GRIK1: variants seen among roughly 807,000 people sequenced by gnomAD.
GRIK1 encodes the protein glutamate ionotropic receptor kainate type subunit 1, also known as glutamate receptor ionotropic, kainate 1.
GRIK1 carries 69 observed loss-of-function variants against 105.7 expected under a neutral mutation model. The ratio of observed to expected loss-of-function variants is 0.65; its 90% CI spans 0.54 to 0.80. GRIK1 has a LOEUF of 0.80. Among genes scored for constraint, GRIK1 ranks in the 30% least tolerant of loss-of-function variants. The pLI, the probability that GRIK1 is intolerant of heterozygous loss-of-function variation, is 0.00. For missense variants in GRIK1, 1,109 were observed against 1,167.3 expected (o/e 0.95, Z 0.73); for synonymous variants, 438 against 431.3 (o/e 1.02, Z -0.19).
At chr21:29,893,810 C>T (rs1410542894) in intron 1 of GRIK1, among the ~76,000 whole-genome samples, 1 of 152,058 alleles carries the variant, frequency 6.6e-6, no homozygotes, top group East Asian at 1.9e-4. Flanking sequence ...TGGAGGTTGC[C>T]CCATCTCTCC....
chr21:29,711,909 A>G (rs2146817847), intron 1 of GRIK1, among the ~76,000 whole-genome samples: 1 of 147,806 alleles, frequency 6.8e-6, no homozygotes, highest in Non-Finnish European at 1.5e-5. Flanking sequence ...AAAACTTGTG[A>G]AATTTTTCTT....
intron 1 of GRIK1, among the ~76,000 whole-genome samples, chr21:29,938,368 C>T (rs1163933275): frequency 6.6e-6 from 1 of 152,212 alleles, no homozygotes; most frequent in East Asian, 1.9e-4. Flanking sequence ...GTGACCGTGA[C>T]TCTAAGAAGC....
At chr21:29,714,663 C>A (rs555247999) in intron 1 of GRIK1, among the ~76,000 whole-genome samples, 1 of 152,138 alleles carries the variant, frequency 6.6e-6, no homozygotes, top group Non-Finnish European at 1.5e-5. Flanking sequence ...TTCTAAGATG[C>A]AAATCAGAGA....
At chr21:29,888,208 T>TTTCTTTCTTTCTTTCTTC (rs2069740302) in intron 1 of GRIK1, among the ~76,000 whole-genome samples, 1 of 111,656 alleles carries the variant, frequency 9.0e-6, no homozygotes, top group African/African-American at 3.3e-5. Flanking sequence ...TCTCTCTCTC[T>TTTCTTTCTTTCTTTCTTC]CTCTCTCTCT....
intron 1 of GRIK1, among the ~76,000 whole-genome samples, chr21:29,850,434 C>A (rs2068268232): frequency 6.6e-6 from 1 of 152,068 alleles, no homozygotes; most frequent in South Asian, 2.1e-4. Flanking sequence ...CTGCTATCGC[C>A]CTAATGTTCT....
chr21:29,837,092 C>T (rs2067828855), intron 1 of GRIK1, among the ~76,000 whole-genome samples: 1 of 152,202 alleles, frequency 6.6e-6, no homozygotes, highest in Admixed American at 6.5e-5. Flanking sequence ...ACCCTTTTCA[C>T]ATGCTTTTCT....
intron 7 of GRIK1, among the ~76,000 whole-genome samples, chr21:29,612,786 T>A (rs1441063509): frequency 6.6e-6 from 1 of 152,212 alleles, no homozygotes; most frequent in African/African-American, 2.4e-5. Context: ...TTTACAATTT[T>A]AAAAATACCG....
chr21:29,770,235 A>C (rs993324745), intron 1 of GRIK1, among the ~76,000 whole-genome samples: 1 of 152,190 alleles, frequency 6.6e-6, no homozygotes, highest in Non-Finnish European at 1.5e-5. Flanking sequence ...TTGGAAACAG[A>C]TTGTGTCACC....
At chr21:29,712,083 T>TATACACAC (rs1232277994) in intron 1 of GRIK1, among the ~76,000 whole-genome samples, 1,695 of 135,342 alleles carry the variant, frequency 0.013, 53 homozygotes, top group African/African-American at 0.043. Context: ...TATACATACA[T>TATACACAC]ACACACACAC....
At chr21:29,707,931 T>A (rs1421528904) in intron 1 of GRIK1, among the ~76,000 whole-genome samples, 1 of 152,208 alleles carries the variant, frequency 6.6e-6, no homozygotes, top group Non-Finnish European at 1.5e-5. Flanking sequence ...TTGTTGTCAG[T>A]TCTTCACTGT....
intron 1 of GRIK1, among the ~76,000 whole-genome samples, chr21:29,896,504 C>T (rs1741792295): frequency 6.6e-6 from 1 of 152,038 alleles, no homozygotes; most frequent in South Asian, 2.1e-4. Context: ...TAGGACAATG[C>T]CCAGAATATA....
At chr21:29,855,829 G>A (rs1306175405) in intron 1 of GRIK1, among the ~76,000 whole-genome samples, 4 of 152,128 alleles carry the variant, frequency 2.6e-5, no homozygotes, top group African/African-American at 4.8e-5. Flanking sequence ...TTGGAGACAC[G>A]ATCGGTAGGA....
At chr21:29,703,884 C>T (rs1458557593) in intron 1 of GRIK1, among the ~76,000 whole-genome samples, 3 of 152,180 alleles carry the variant, frequency 2.0e-5, no homozygotes, top group African/African-American at 7.2e-5. Context: ...TAACCACATC[C>T]AGACTCACTC....
chr21:29,780,068 C>T (rs2066051768), intron 1 of GRIK1, among the ~76,000 whole-genome samples: 1 of 152,078 alleles, frequency 6.6e-6, no homozygotes, highest in African/African-American at 2.4e-5. Flanking sequence ...ATCTGTAGAA[C>T]GGGGCTAATT....
chr21:29,578,877 A>T (rs1601168363), intron 13 of GRIK1, among the ~76,000 whole-genome samples: 2 of 152,180 alleles, frequency 1.3e-5, no homozygotes, highest in South Asian at 4.1e-4. Flanking sequence ...TTAAAATACC[A>T]TTTATTTCAT....
chr21:29,624,248 C>A (rs1255158289), intron 7 of GRIK1, among the ~76,000 whole-genome samples: 1 of 152,144 alleles, frequency 6.6e-6, no homozygotes, highest in East Asian at 1.9e-4. Context: ...ATTTTAAACA[C>A]AAATGCTGTC....
intron 1 of GRIK1, among the ~76,000 whole-genome samples, chr21:29,822,707 A>G (rs2067338530): frequency 6.6e-6 from 1 of 152,004 alleles, no homozygotes; most frequent in Non-Finnish European, 1.5e-5. Context: ...CACGTCACCT[A>G]TAGAATAAAA....
rs117089945 is a variant in GRIK1 at position 29,706,610 on chromosome 21, G to A, written c.119-12547C>T. On this transcript the variant is annotated intron_variant, in intron 1 of 17. Coordinates refer to ENST00000327783, the MANE Select transcript of GRIK1 (RefSeq NM_001330994.2). ...TATTTCTCAGAGAAAATTTCTTTGT[G>A]AAGTAGTTAGGTCCCAGATGAAGAG... 8.7e-3 allele frequency among the ~76,000 whole-genome samples: 1,332 copies of A among 152,306 alleles called. 10 individuals are homozygous for A. The highest frequency in any genetic ancestry group is 0.016 in the Non-Finnish European group (1,064 of 68,018).
chr21:29,928,478 G>T lies in GRIK1; in HGVS notation c.118+10905C>A, dbSNP rs144136160. On this transcript the variant is annotated intron_variant, in intron 1 of 17. Transcript: ENST00000327783. ...CCCACAGGCAGGTGGGTCTCTGGGA[G>T]TGGAGGACCATAGTGTACAATTGGC... Among the ~76,000 whole-genome samples the T allele has an allele frequency of 3.1e-3, 471 of 152,338 alleles. 4 individuals are homozygous for T. Among genetic ancestry groups the T allele is most frequent in the African/African-American group, 0.011 (445 of 41,580 alleles).
Sources: gnomAD v4.1 joint callset for allele counts (sites outside exome capture counted in the v4.1 genomes callset) on GRCh38, gnomAD v4.1.1 for gene constraint, MANE v1.5 for transcripts, NCBI Gene and HGNC (gene_info 2026-07-23, HGNC 2026-07-21) for gene names.